Variants in KAZN observed in about 807,000 individuals in gnomAD.
KAZN encodes the protein kazrin.
A neutral mutation model predicts 87.4 loss-of-function variants in KAZN; 40 were observed. That is an observed-to-expected ratio of 0.46 (90% CI 0.36 to 0.60). The LOEUF is 0.60. Among genes scored for constraint, KAZN ranks in the 20% least tolerant of loss-of-function variants. The pLI is 0.00. For synonymous variants in KAZN, 466 were observed against 458.3 expected, an observed-to-expected ratio of 1.02 and a Z score of -0.22; for missense variants, 898 against 1,073.9, an observed-to-expected ratio of 0.84 and a Z score of 2.29.
intron 2 of KAZN, among the ~76,000 whole-genome samples, chr1:14,232,672 G>A (rs1278402801): frequency 2.6e-5 from 4 of 152,196 alleles, no homozygotes; most frequent in Admixed American, 6.5e-5. Flanking sequence ...AGAATGTTGC[G>A]TGATGTTCCA....
intron 2 of KAZN, among the ~76,000 whole-genome samples, chr1:14,298,744 C>T (rs974969786): frequency 2.0e-5 from 3 of 152,162 alleles, no homozygotes; most frequent in Admixed American, 6.5e-5. Flanking sequence ...TCAATTTCCC[C>T]TTTATTAAAC....
chr1:14,494,494 G>A (rs1230281342), intron 2 of KAZN, among the ~76,000 whole-genome samples: 1 of 152,180 alleles, frequency 6.6e-6, no homozygotes, highest in Non-Finnish European at 1.5e-5. Flanking sequence ...AGTTCCCCAT[G>A]TACTTCCTCT....
chr1:14,883,360 AAAGAAAGAAAG>A lies in KAZN; in HGVS notation c.227-77321_227-77311del. On this transcript the variant is annotated intron_variant, in intron 1 of 14. Transcript: ENST00000376030. The stretch of plus-strand genomic sequence containing the variant: ...AGAGAGAGAAAGAAAGAAAGAAAAG[AAAGAAAGAAAG>A]AAAGAAAGAAAGAAAGAAAGAAAGA... Among the ~76,000 whole-genome samples, 3 of 43,958 alleles carry A rather than the reference AAAGAAAGAAAG, an allele frequency of 6.8e-5. 1 individual carries two copies. The highest frequency in any genetic ancestry group is 2.3e-4 in the African/African-American group (3 of 12,996). 28.8% of individuals were successfully genotyped at this position (43,958 alleles called of 152,430 possible).
intron 1 of KAZN, among the ~76,000 whole-genome samples, chr1:14,028,643 C>T (rs138763551): frequency 2.6e-5 from 4 of 152,094 alleles, no homozygotes; most frequent in Non-Finnish European, 5.9e-5. Context: ...TTATGAAGAC[C>T]TCTTTTGACT....
chr1:14,413,009 TAATAA>T (rs1664430454), intron 2 of KAZN, among the ~76,000 whole-genome samples: 1 of 148,512 alleles, frequency 6.7e-6, no homozygotes, highest in African/African-American at 2.4e-5. Flanking sequence ...TAAATATATA[TAATAA>T]GTTATTTGTA....
At chr1:13,955,313 A>G (rs980008056) in intron 1 of KAZN, among the ~76,000 whole-genome samples, 3 of 152,122 alleles carry the variant, frequency 2.0e-5, no homozygotes, top group African/African-American at 7.2e-5. Context: ...AGTATACCTG[A>G]GTGTTAATGA....
intron 1 of KAZN, among the ~76,000 whole-genome samples, chr1:14,025,319 T>C (rs1270789703): frequency 6.6e-6 from 1 of 152,240 alleles, no homozygotes; most frequent in African/African-American, 2.4e-5. Flanking sequence ...TCTGACTAAA[T>C]AAGATTTGGA....
chr1:14,414,613 C>A (rs186058144), intron 2 of KAZN, among the ~76,000 whole-genome samples: 99 of 150,918 alleles, frequency 6.6e-4, no homozygotes, highest in African/African-American at 2.3e-3. Flanking sequence ...ATGCACATAC[C>A]GTGTGTGTGT....
At chr1:14,169,775 T>C (rs74059718) in intron 1 of KAZN, among the ~76,000 whole-genome samples, 3,780 of 152,306 alleles carry the variant, frequency 0.025, 150 homozygotes, top group African/African-American at 0.086. Context: ...ACTTCAGTTA[T>C]ATTACTTAGG....
chr1:14,335,710 T>TA (rs888823072), intron 2 of KAZN, among the ~76,000 whole-genome samples: 1 of 151,476 alleles, frequency 6.6e-6, no homozygotes, highest in African/African-American at 2.4e-5. Flanking sequence ...TTTCTTACAG[T>TA]AAAACAAAAC....
chr1:14,414,312 A>G (rs1664561621), intron 2 of KAZN, among the ~76,000 whole-genome samples: 1 of 151,888 alleles, frequency 6.6e-6, no homozygotes, highest in Non-Finnish European at 1.5e-5. Context: ...GGTAAAGCCA[A>G]AGAGTATTTA....
At chr1:14,796,754 G>A (rs1414669822) in intron 1 of KAZN, among the ~76,000 whole-genome samples, 1 of 152,242 alleles carries the variant, frequency 6.6e-6, no homozygotes. Flanking sequence ...CCCATCACCT[G>A]AAGGAGTGGG....
intron 1 of KAZN, among the ~76,000 whole-genome samples, chr1:14,057,836 A>G (rs1320039823): frequency 6.6e-6 from 1 of 152,230 alleles, no homozygotes; most frequent in Non-Finnish European, 1.5e-5. Flanking sequence ...TCTCTGCTGC[A>G]TACTCAGTGC....
In KAZN at chr1:14,478,274, A is replaced by AAGGAAGGAAGGAAGGAAGGAAGGAAGG. The variant is rs1553178148; in HGVS notation, c.250-120708_250-120707insGGAAGGAAGGAAGGAAGGAAGGAAGGA. ...AGAAGGAAGGAAGGAAGGAAGGAAG[A>AAGGAAGGAAGGAAGGAAGGAAGGAAGG]AAGGAAGGAAGGAAGGGTGGATGGG... is the stretch of plus-strand genomic sequence containing the variant. On this transcript the variant is annotated intron_variant, in intron 2 of 16. Coordinates refer to the KAZN transcript ENST00000636203. 3.9e-3 allele frequency among the ~76,000 whole-genome samples: 434 copies of AAGGAAGGAAGGAAGGAAGGAAGGAAGG among 111,506 alleles called. 8 individuals are homozygous for AAGGAAGGAAGGAAGGAAGGAAGGAAGG. The highest frequency in any genetic ancestry group is 0.025 in the Middle Eastern group (6 of 238). 73.2% of individuals were successfully genotyped at this position (111,506 alleles called of 152,430 possible).
rs114042189 is a variant in KAZN, at chr1:14,128,695, G to A, written c.92-51740G>A. ...TCACATTATGAGATACTGGGGGTTA[G>A]GACTTGAACATATGAATTTGGGGGG... On this transcript the variant is annotated intron_variant, in intron 1 of 16. Coordinates refer to the KAZN transcript ENST00000636203. 7.9e-3 allele frequency among the ~76,000 whole-genome samples: 1,204 copies of A among 152,194 alleles called. 15 individuals carry two copies. The highest frequency in any genetic ancestry group is 0.028 in the African/African-American group (1,159 of 41,510).
At chr1:15,088,911 A>G (rs1640399316) in intron 8 of KAZN, among the ~76,000 whole-genome samples, 1 of 152,074 alleles carries the variant, frequency 6.6e-6, no homozygotes, top group South Asian at 2.1e-4. Context: ...TGCGAGCTGT[A>G]AAGCCAGCTC....
At chr1:14,305,396 G>A (rs1278076888) in intron 2 of KAZN, among the ~76,000 whole-genome samples, 1 of 152,146 alleles carries the variant, frequency 6.6e-6, no homozygotes, top group Non-Finnish European at 1.5e-5. Context: ...TTTAGGGAGT[G>A]AAGATCCCTA....
At chr1:14,384,452 T>C (rs1335398888) in intron 2 of KAZN, among the ~76,000 whole-genome samples, 1 of 152,122 alleles carries the variant, frequency 6.6e-6, no homozygotes, top group Admixed American at 6.5e-5. Context: ...GGCTGTGGGT[T>C]TGTCATAGAT....
In KAZN at chr1:14,798,706, T is replaced by C. The variant is rs1446638815; in HGVS notation, c.227-161978T>C. On this transcript the variant is annotated intron_variant, in intron 1 of 14. Transcript: ENST00000376030. ...GCCTCAGCCTCCCAGAGTGCTGGGA[T>C]TACAGGCGTGAGCCACCACGCCCGG... 1.3e-4 allele frequency among the ~76,000 whole-genome samples: 19 copies of C among 151,916 alleles called. 1 individual carries two copies.
Sources: gnomAD v4.1 joint callset for allele counts (sites outside exome capture counted in the v4.1 genomes callset) on GRCh38, gnomAD v4.1.1 for gene constraint, MANE v1.5 for transcripts, NCBI Gene and HGNC (gene_info 2026-07-23, HGNC 2026-07-21) for gene names.